The following PTPRG variants were observed in gnomAD, a reference collection of about 807,000 sequenced individuals.
PTPRG encodes protein tyrosine phosphatase receptor type G.
Under a neutral mutation model 165.3 loss-of-function variants are expected in PTPRG, and 102 were observed. The observed-to-expected ratio is 0.62, with a 90% CI of 0.53 to 0.73. The LOEUF (loss-of-function observed/expected upper bound fraction) is 0.73, where lower values mean the gene tolerates loss of function less well. PTPRG is among the 30% of genes least tolerant of loss of function. The pLI is 0.00. For missense variants in PTPRG, 1,866 were observed against 1,861.4 expected (o/e 1.00, Z -0.05); for synonymous variants, 675 against 669.5 (o/e 1.01, Z -0.13).
At chr3:61,955,858 G>A (rs12636665) in intron 2 of PTPRG, among the ~76,000 whole-genome samples, 103,303 of 151,812 alleles carry the variant, frequency 0.68, 35,271 homozygotes, top group Middle Eastern at 0.75. Context: ...TATCTGAAAA[G>A]AAATAAAAAT....
intron 2 of PTPRG, among the ~76,000 whole-genome samples, chr3:61,793,895 A>C (rs1392413939): frequency 6.6e-6 from 1 of 152,220 alleles, no homozygotes; most frequent in Non-Finnish European, 1.5e-5. Flanking sequence ...ACAGAAATAA[A>C]CATCTTTTTG....
At chr3:62,148,100 C>T (rs1033179089) in intron 6 of PTPRG, among the ~76,000 whole-genome samples, 4 of 152,076 alleles carry the variant, frequency 2.6e-5, no homozygotes, top group East Asian at 1.9e-4. Flanking sequence ...GAGCCGAGAT[C>T]GTGCCACTGC....
At chr3:61,685,842 CTTTGTCAGTGTAATTGACTGCTGGCACA>C (rs1490634023) in intron 1 of PTPRG, among the ~76,000 whole-genome samples, 2 of 152,098 alleles carry the variant, frequency 1.3e-5, no homozygotes, top group African/African-American at 4.8e-5. Flanking sequence ...AGAGTGTGGC[CTTTGTCAGTGTAATTGACTGCTGGCACA>C]TTGAGGAGCA....
chr3:61,641,460 A>C (rs1413744625), intron 1 of PTPRG, among the ~76,000 whole-genome samples: 1 of 152,172 alleles, frequency 6.6e-6, no homozygotes, highest in Admixed American at 6.5e-5. Flanking sequence ...GGGGGAGAGA[A>C]AGTTTTCACA....
intron 26 of PTPRG, among the ~76,000 whole-genome samples, chr3:62,278,290 T>C (rs112997411): frequency 3.3e-5 from 5 of 151,926 alleles, no homozygotes; most frequent in African/African-American, 4.8e-5. Flanking sequence ...AATTTTTTTT[T>C]CCCACTCCAT....
intron 8 of PTPRG, among the ~76,000 whole-genome samples, chr3:62,189,481 C>T (rs1368438836): frequency 6.6e-6 from 1 of 152,156 alleles, no homozygotes; most frequent in Admixed American, 6.5e-5. Context: ...AGAACCAAGC[C>T]GTGGTCCCCT....
chr3:61,898,530 A>G (rs2038419933), intron 2 of PTPRG, among the ~76,000 whole-genome samples: 1 of 152,164 alleles, frequency 6.6e-6, no homozygotes, highest in Non-Finnish European at 1.5e-5. Flanking sequence ...GTTCTATTAG[A>G]TGATACATCA....
intron 1 of PTPRG, among the ~76,000 whole-genome samples, chr3:61,586,902 T>C (rs1183987602): frequency 6.6e-6 from 1 of 152,228 alleles, no homozygotes; most frequent in East Asian, 1.9e-4. Flanking sequence ...TGCCCAGATA[T>C]ATGTGTCTGC....
At chr3:61,973,820 G>A (rs1416871728) in intron 2 of PTPRG, among the ~76,000 whole-genome samples, 2 of 149,940 alleles carry the variant, frequency 1.3e-5, no homozygotes, top group African/African-American at 2.5e-5. Flanking sequence ...GTGACAGAGC[G>A]AGACTCCATT....
At chr3:61,580,912 G>A (rs568096913) in intron 1 of PTPRG, among the ~76,000 whole-genome samples, 1 of 152,332 alleles carries the variant, frequency 6.6e-6, no homozygotes, top group Admixed American at 6.5e-5. Context: ...CTGGTTTCTG[G>A]AGGTTTTGGA....
At chr3:61,833,036 TC>T (rs959602867) in intron 2 of PTPRG, among the ~76,000 whole-genome samples, 1 of 150,828 alleles carries the variant, frequency 6.6e-6, no homozygotes, top group African/African-American at 2.5e-5. Flanking sequence ...TGCCATTAGT[TC>T]ATCCCTTTTT....
At chr3:61,960,978 A>G (rs193184414) in intron 2 of PTPRG, among the ~76,000 whole-genome samples, 13 of 152,264 alleles carry the variant, frequency 8.5e-5, no homozygotes, top group East Asian at 1.9e-4. Flanking sequence ...TGCATTCTTC[A>G]TTTGTAAAAT....
intron 2 of PTPRG, among the ~76,000 whole-genome samples, chr3:61,811,639 G>T (rs2035580358): frequency 6.6e-6 from 1 of 152,110 alleles, no homozygotes; most frequent in Non-Finnish European, 1.5e-5. Context: ...AAAATGATCT[G>T]CTTTTTCACA....
intron 2 of PTPRG, among the ~76,000 whole-genome samples, chr3:61,945,560 CA>C (rs71123242): frequency 0.014 from 798 of 55,416 alleles, no homozygotes; most frequent in African/African-American, 0.028. Flanking sequence ...ACTCCGTCAC[CA>C]AAAAAAAAAA....
chr3:61,967,750 G>A (rs953735791), intron 2 of PTPRG, among the ~76,000 whole-genome samples: 1 of 152,158 alleles, frequency 6.6e-6, no homozygotes, highest in Non-Finnish European at 1.5e-5. Context: ...AGACAGCTGT[G>A]TCTATCTTTA....
At chr3:62,151,750 T>G (rs929955771) in intron 6 of PTPRG, among the ~76,000 whole-genome samples, 1 of 152,060 alleles carries the variant, frequency 6.6e-6, no homozygotes, top group African/African-American at 2.4e-5. Context: ...CTAATTATGA[T>G]AAAAGTTGGA....
chr3:62,042,317 A>G (rs193168849), intron 4 of PTPRG, among the ~76,000 whole-genome samples: 12 of 152,322 alleles, frequency 7.9e-5, no homozygotes, highest in Admixed American at 7.2e-4. Context: ...AGTAGGATCC[A>G]AGTGACCCTG....
chr3:62,181,696 A>G (rs1705657981), intron 8 of PTPRG, among the ~76,000 whole-genome samples: 1 of 152,238 alleles, frequency 6.6e-6, no homozygotes, highest in African/African-American at 2.4e-5. Context: ...GATGCTTAAA[A>G]TAAAATATAA....
Position 61,727,927 on chromosome 3 carries a change from G to C in PTPRG, c.86-20951G>C, listed in dbSNP as rs1275287971. The stretch of plus-strand genomic sequence containing the variant: ...TTACAGTTTTGCTTTGGTCTGGTAT[G>C]GAAGGCTGGTCTACCTGTTTGTGAG... On this transcript the variant is annotated intron_variant, in intron 1 of 29. Coordinates refer to ENST00000474889, the MANE Select transcript of PTPRG (RefSeq NM_002841.4). Among the ~76,000 whole-genome samples, 5 of 152,224 alleles carry C rather than the reference G, an allele frequency of 3.3e-5. No homozygotes were observed. In the East Asian group the frequency reaches 7.7e-4, roughly 23 times the overall value.
Sources: gnomAD v4.1 joint callset for allele counts (sites outside exome capture counted in the v4.1 genomes callset) on GRCh38, gnomAD v4.1.1 for gene constraint, MANE v1.5 for transcripts, NCBI Gene and HGNC (gene_info 2026-07-23, HGNC 2026-07-21) for gene names.